Variants in SLC34A1 observed in about 807,000 individuals in gnomAD.
The protein encoded by SLC34A1 is solute carrier family 34 member 1.
Under a neutral mutation model 51.4 loss-of-function variants are expected in SLC34A1, and 57 were observed. The ratio of observed to expected loss-of-function variants is 1.11; its 90% CI spans 0.90 to 1.38. The LOEUF (loss-of-function observed/expected upper bound fraction) is 1.38, where lower values mean the gene tolerates loss of function less well. SLC34A1 is among the 40% of genes most tolerant of loss of function. The probability of loss-of-function intolerance (pLI) is 0.00; values close to 1 mark genes in which losing one functional copy is unlikely to be tolerated. For missense variants in SLC34A1, 796 were observed against 835.6 expected (o/e 0.95, Z 0.58); for synonymous variants, 368 against 358.0 (o/e 1.03, Z -0.32).
At position 177,398,345 on chromosome 5, in the gene SLC34A1, G is replaced by C; in HGVS notation, c.*59G>C. 2 of 1,588,608 alleles carry C rather than the reference G, an allele frequency of 1.3e-6. No individual in the cohort carries two copies. The highest frequency in any genetic ancestry group is 2.2e-5 in the South Asian group (2 of 90,884). On this transcript the variant is annotated 3_prime_UTR_variant, in exon 13 of 13. Coordinates refer to ENST00000324417, the MANE Select transcript of SLC34A1 (RefSeq NM_003052.5). This position sits in a 1 kb window ranked among gnomAD's most constrained non-coding sequence, Gnocchi z 4.7. ...AGGCCTGGGGTGGAAAGGCAGGGGA[G>C]GGAGGGTGTGTGTAGGTATGTGCAT...
intron 8 of SLC34A1, among the ~76,000 whole-genome samples, chr5:177,392,737 C>T (rs761555017): frequency 3.9e-5 from 6 of 152,200 alleles, no homozygotes; most frequent in Non-Finnish European, 8.8e-5. Context: ...GATCCTCCTG[C>T]TCCAACCTCC....
At chr5:177,393,606 T>C (rs1762874131) in intron 8 of SLC34A1, 88 bp from the exon 9 acceptor site, 1 of 1,285,844 alleles carries the variant, frequency 7.8e-7, no homozygotes, top group South Asian at 1.2e-5. Flanking sequence ...CCCATCTCCA[T>C]CTTCCCCATC....
intron 8 of SLC34A1, 126 bp from the exon 9 acceptor site, chr5:177,393,568 G>T (rs540704905): frequency 1.2e-4 from 103 of 865,416 alleles, no homozygotes; most frequent in Middle Eastern, 1.1e-3. Flanking sequence ...GAGGGCAAGA[G>T]ACCCATCCAT....
chr5:177,398,556 G>T lies in SLC34A1; in HGVS notation c.*270G>T. ...CAGGTGTACACAGACACACCTGTGG[G>T]AGGCTGTGTGCAGGCTGCAGGATAT... On this transcript the variant is annotated 3_prime_UTR_variant, in exon 13 of 13. Coordinates refer to ENST00000324417, the MANE Select transcript of SLC34A1 (RefSeq NM_003052.5). The surrounding 1 kb of genome is among the most constrained non-coding windows in gnomAD (Gnocchi z 4.7). 1 of 569,104 alleles carries T rather than the reference G, an allele frequency of 1.8e-6. No individual in the cohort carries two copies. 35.3% of individuals were successfully genotyped at this position (569,104 alleles called of 1,614,324 possible).
intron 8 of SLC34A1, chr5:177,389,810 G>C: frequency 6.5e-7 from 1 of 1,527,130 alleles, no homozygotes; most frequent in African/African-American, 1.4e-5. Context: ...CCTCACCCAG[G>C]TTCACTCTGG....
intron 10 of SLC34A1, among the ~76,000 whole-genome samples, chr5:177,395,649 T>C (rs1490925692): frequency 4.6e-5 from 7 of 152,108 alleles, no homozygotes; most frequent in Non-Finnish European, 1.0e-4. Flanking sequence ...TTTTTGTTTT[T>C]TGAGACAGAG....
rs1229920484 is a variant in SLC34A1 at position 177,387,985 on chromosome 5, C to G, written c.645-9C>G. The G allele has an allele frequency of 6.2e-7, 1 of 1,612,166 alleles. No homozygotes were observed. The highest frequency in any genetic ancestry group is 2.2e-5 in the East Asian group (1 of 44,844). ...CGAGCCTGCCTTGCAATGTGGCCTC[C>G]CTGCCCAGGGCCTTCGCGGGGGCCA... On this transcript the variant is annotated splice_polypyrimidine_tract_variant and intron_variant, in intron 6 of 12. Coordinates refer to ENST00000324417, the MANE Select transcript of SLC34A1 (RefSeq NM_003052.5).
In SLC34A1 at chr5:177,388,419, T is replaced by A; in HGVS notation, c.936+47T>A. ...AGGTAAGAGGACTCCCTCTTCAGAC[T>A]CTTGGTTTCATTGTCTGTTCAAAAT... On this transcript the variant is annotated intron_variant, in intron 8 of 12. Coordinates refer to ENST00000324417, the MANE Select transcript of SLC34A1 (RefSeq NM_003052.5). The surrounding 1 kb of genome is among the most constrained non-coding windows in gnomAD (Gnocchi z 4.3). 1 of 1,473,416 alleles carries A rather than the reference T, an allele frequency of 6.8e-7. No homozygotes were observed. The highest frequency in any genetic ancestry group is 9.5e-7 in the Non-Finnish European group (1 of 1,052,788). 91.3% of individuals were successfully genotyped at this position (1,473,416 alleles called of 1,614,324 possible). A position where few individuals can be genotyped will look rare whatever the true frequency, so the allele number is the denominator to read the frequency against.
At chr5:177,389,722 C>T in intron 8 of SLC34A1, 7 of 1,537,258 alleles carry the variant, frequency 4.6e-6, no homozygotes, top group Non-Finnish European at 5.2e-6. Flanking sequence ...CTCACTGCCC[C>T]TGAGCTCCCT....
Position 177,386,227 on chromosome 5 carries a change from G to A in SLC34A1, c.266G>A (p.Arg89Lys), listed in dbSNP as rs747850154. 2.2e-5 allele frequency: 36 copies of A among 1,614,070 alleles called. No individual in the cohort carries two copies. The highest frequency in any genetic ancestry group is 3.1e-5 in the Non-Finnish European group (36 of 1,180,026). ...ALEEEQKPES[R>K]LVPKLRQAGA... ...CATGGCTTCCCCCATCCAGAGTCCAGGCTGGTCCCCAAGCTGCGCCAGGCT... is the reference window on the plus strand; with the variant it reads ...CATGGCTTCCCCCATCCAGAGTCCAAGCTGGTCCCCAAGCTGCGCCAGGCT... Residue 89 changes from arginine (R) to lysine (K), a missense_variant, in exon 4 of 13, where the codon AGG becomes AAG. Coordinates refer to ENST00000324417, the MANE Select transcript of SLC34A1 (RefSeq NM_003052.5). This position sits in a 1 kb window ranked among gnomAD's most constrained non-coding sequence, Gnocchi z 4.8.
At chr5:177,389,800 C>T in intron 8 of SLC34A1, 1 of 1,531,702 alleles carries the variant, frequency 6.5e-7, no homozygotes, top group Non-Finnish European at 8.7e-7. Flanking sequence ...TTGAAGTCAT[C>T]CTCACCCAGG....
At chr5:177,385,644 A>G in intron 1 of SLC34A1, 51 bp from the exon 2 acceptor site, 1 of 842,740 alleles carries the variant, frequency 1.2e-6, no homozygotes. Context: ...GGGTTTGTGC[A>G]GGTGAGGGTG....
At chr5:177,392,709 G>A (rs561855594) in intron 8 of SLC34A1, among the ~76,000 whole-genome samples, 6 of 152,138 alleles carry the variant, frequency 3.9e-5, no homozygotes, top group Admixed American at 2.6e-4. Context: ...CTCCAGCCTC[G>A]ACCACCTGGG....
intron 5 of SLC34A1, among the ~76,000 whole-genome samples, 168 bp from the exon 6 acceptor site, chr5:177,387,594 C>G (rs1358129854): frequency 6.6e-6 from 1 of 152,248 alleles, no homozygotes; most frequent in Non-Finnish European, 1.5e-5. Flanking sequence ...CCTGTAAACG[C>G]ACAGCCCGTG....
At chr5:177,393,959 C>T in intron 9 of SLC34A1, 69 bp from the exon 10 acceptor site, 2 of 1,601,626 alleles carry the variant, frequency 1.2e-6, no homozygotes, top group East Asian at 2.2e-5. Context: ...CAGAGCCCAA[C>T]TGGGTGGCAA....
At chr5:177,391,885 G>GT (rs1248136025) in intron 8 of SLC34A1, among the ~76,000 whole-genome samples, 1 of 152,190 alleles carries the variant, frequency 6.6e-6, no homozygotes, top group East Asian at 1.9e-4. Context: ...AGGGTGGTTG[G>GT]TATAAGAAGC....
Position 177,397,922 on chromosome 5 carries a change from T to G in SLC34A1, c.1556T>G (p.Leu519Arg), listed in dbSNP as rs552310073. 10 of 1,614,050 alleles carry G rather than the reference T, an allele frequency of 6.2e-6. No individual in the cohort carries two copies. The South Asian group carries it at 1.1e-4, about 18-fold the overall frequency. The change falls in exon 13 of 13, where the codon CTC becomes CGC. Residue 519 changes from leucine (L) to arginine (R), a missense_variant. Transcript: ENST00000324417. The part of the protein sequence containing the change: ...AKYRWFAVLY[L>R]LVCFLLLPSL... ...TACCGCTGGTTTGCCGTCCTCTATC[T>G]CCTTGTCTGCTTCCTGCTGCTGCCC...
In SLC34A1 at chr5:177,388,389, A is replaced by G. The variant is rs2127348788; in HGVS notation, c.936+17A>G. The G allele has an allele frequency of 6.3e-7, 1 of 1,599,866 alleles. No individual in the cohort carries two copies. Among genetic ancestry groups the G allele is most frequent in the Non-Finnish European group, 8.6e-7 (1 of 1,167,222 alleles). ...TCCTTACAGGTGAGTCCCAGGCCTA[A>G]CCCCAGGTAAGAGGACTCCCTCTTC... On this transcript the variant is annotated intron_variant, in intron 8 of 12. Transcript: ENST00000324417. The surrounding 1 kb of genome is among the most constrained non-coding windows in gnomAD (Gnocchi z 4.3).
intron 8 of SLC34A1, among the ~76,000 whole-genome samples, chr5:177,391,701 G>A (rs986478064): frequency 1.3e-5 from 2 of 152,202 alleles, no homozygotes; most frequent in Non-Finnish European, 2.9e-5. Flanking sequence ...GATCCTGAAC[G>A]GGCCCAGCGA....
Sources: gnomAD v4.1 joint callset for allele counts (sites outside exome capture counted in the v4.1 genomes callset) on GRCh38, gnomAD v4.1.1 for gene constraint, Gnocchi (gnomAD v3.1) non-coding constraint, MANE v1.5 for transcripts, NCBI Gene and HGNC (gene_info 2026-07-23, HGNC 2026-07-21) for gene names.